CLSTN2: variants seen among roughly 807,000 people sequenced by gnomAD.
CLSTN2 encodes calsyntenin-2.
CLSTN2 carries 48 observed loss-of-function variants against 101.2 expected under a neutral mutation model. The observed-to-expected ratio is 0.47, with a 90% confidence interval of 0.38 to 0.60. The LOEUF (loss-of-function observed/expected upper bound fraction) is 0.60. Among genes scored for constraint, CLSTN2 ranks in the 20% least tolerant of loss-of-function variants. The pLI is 0.00. For synonymous variants in CLSTN2, 481 were observed against 463.6 expected (o/e 1.04, Z -0.48); for missense variants, 1,160 against 1,238.2 (o/e 0.94, Z 0.95).
At chr3:140,041,952 C>T (rs1392793808) in intron 1 of CLSTN2, among the ~76,000 whole-genome samples, 1 of 152,148 alleles carries the variant, frequency 6.6e-6, no homozygotes, top group Admixed American at 6.5e-5. Flanking sequence ...ACATGCCAGC[C>T]CTAGTCTTCG....
chr3:140,385,238 G>T (rs1213009506), intron 2 of CLSTN2, among the ~76,000 whole-genome samples: 1 of 151,862 alleles, frequency 6.6e-6, no homozygotes, highest in Non-Finnish European at 1.5e-5. Context: ...CTTACATAAG[G>T]TCTCACACCT....
Position 140,407,456 on chromosome 3 carries a change from C to T in CLSTN2, c.637+2690C>T, listed in dbSNP as rs112498394. ...CTACCAGAGGCCCTCAGACTCCCTC[C>T]CTTTGAATTCCTCCCCATGAAATTA... On this transcript the variant is annotated intron_variant, in intron 4 of 16. Transcript: ENST00000458420. Among the ~76,000 whole-genome samples, 1,448 of 152,224 alleles carry T rather than the reference C, an allele frequency of 9.5e-3. 21 individuals carry two copies. The highest frequency in any genetic ancestry group is 0.031 in the African/African-American group (1,293 of 41,524).
chr3:140,468,586 C>T (rs979443533), intron 8 of CLSTN2, among the ~76,000 whole-genome samples: 2 of 152,112 alleles, frequency 1.3e-5, no homozygotes, highest in Non-Finnish European at 2.9e-5. Context: ...GCAGGATGCA[C>T]GTGGGAAATT....
At chr3:140,494,250 T>C (rs1027660739) in intron 8 of CLSTN2, among the ~76,000 whole-genome samples, 13 of 152,146 alleles carry the variant, frequency 8.5e-5, no homozygotes, top group Non-Finnish European at 5.9e-5. Flanking sequence ...CATTCCCTCT[T>C]AGTCTGCATT....
intron 2 of CLSTN2, among the ~76,000 whole-genome samples, chr3:140,333,682 C>CTA (rs2087410580): frequency 6.8e-6 from 1 of 147,562 alleles, no homozygotes; most frequent in African/African-American, 2.5e-5. Flanking sequence ...AGAGTGGAGA[C>CTA]TGTGTGTGTG....
chr3:140,415,969 T>A (rs75766288), intron 4 of CLSTN2, among the ~76,000 whole-genome samples: 20,278 of 152,056 alleles, frequency 0.13, 1,413 homozygotes, highest in Admixed American at 0.16. Context: ...TGTTGACAGA[T>A]GAATGGATAA....
intron 1 of CLSTN2, among the ~76,000 whole-genome samples, chr3:140,102,177 T>C (rs766024719): frequency 1.3e-5 from 2 of 152,144 alleles, no homozygotes; most frequent in Non-Finnish European, 2.9e-5. Flanking sequence ...CAATCATTCG[T>C]GATAAGGAAG....
At chr3:140,287,014 C>CT (rs1222068301) in intron 2 of CLSTN2, among the ~76,000 whole-genome samples, 3 of 152,088 alleles carry the variant, frequency 2.0e-5, no homozygotes, top group Non-Finnish European at 4.4e-5. Context: ...TAATGAAGGG[C>CT]TTTAAGAGCC....
intron 2 of CLSTN2, among the ~76,000 whole-genome samples, chr3:140,215,114 A>G (rs1459132287): frequency 2.0e-5 from 3 of 152,180 alleles, no homozygotes; most frequent in South Asian, 2.1e-4. Context: ...ACTCTGATGT[A>G]TGACTGGTAG....
intron 2 of CLSTN2, among the ~76,000 whole-genome samples, chr3:140,325,892 C>T (rs529945781): frequency 6.6e-6 from 1 of 152,146 alleles, no homozygotes; most frequent in Non-Finnish European, 1.5e-5. Context: ...GTTCAGTGTA[C>T]TCTCGTGGCA....
intron 9 of CLSTN2, among the ~76,000 whole-genome samples, chr3:140,544,530 C>T (rs1347427357): frequency 6.6e-6 from 1 of 152,190 alleles, no homozygotes; most frequent in Non-Finnish European, 1.5e-5. Flanking sequence ...GGGGATGTGA[C>T]CCAGCACCAG....
chr3:140,058,557 T>C (rs994259655), intron 1 of CLSTN2, among the ~76,000 whole-genome samples: 19 of 152,114 alleles, frequency 1.2e-4, no homozygotes, highest in Non-Finnish European at 4.4e-5. Context: ...TGGGAAGAGC[T>C]CTCAATTGTT....
intron 2 of CLSTN2, among the ~76,000 whole-genome samples, chr3:140,343,782 G>A (rs1301282498): frequency 1.3e-5 from 2 of 152,212 alleles, no homozygotes; most frequent in Non-Finnish European, 2.9e-5. Context: ...TCTAGGCTGT[G>A]ACCATAGCAA....
chr3:140,074,390 C>T (rs148468980), intron 1 of CLSTN2, among the ~76,000 whole-genome samples: 60 of 152,136 alleles, frequency 3.9e-4, no homozygotes, highest in African/African-American at 1.3e-3. Flanking sequence ...GGCAGCATGT[C>T]GACAACCTGG....
intron 5 of CLSTN2, among the ~76,000 whole-genome samples, chr3:140,435,853 C>T (rs1005737446): frequency 6.6e-6 from 1 of 152,122 alleles, no homozygotes; most frequent in Admixed American, 6.5e-5. Context: ...TGCCTGTTTC[C>T]CATTTGTAGG....
chr3:140,384,715 G>C (rs1009402981), intron 2 of CLSTN2, among the ~76,000 whole-genome samples: 1 of 152,320 alleles, frequency 6.6e-6, no homozygotes, highest in East Asian at 1.9e-4. Context: ...AGAATTGACA[G>C]AACAGTAAAA....
chr3:140,130,685 G>A (rs139301946), intron 1 of CLSTN2, among the ~76,000 whole-genome samples: 10 of 152,272 alleles, frequency 6.6e-5, no homozygotes, highest in African/African-American at 2.4e-4. Flanking sequence ...GAAGCACAGG[G>A]GACTTGGAGG....
At chr3:140,558,608 C>T (rs1935846480) in intron 11 of CLSTN2, 32 bp from the exon 12 acceptor site, 3 of 1,572,122 alleles carry the variant, frequency 1.9e-6, no homozygotes, top group Non-Finnish European at 2.6e-6. Context: ...ATTGTTTGCT[C>T]ATCAGTGCCA....
chr3:140,096,086 G>A (rs1039023772), intron 1 of CLSTN2, among the ~76,000 whole-genome samples: 2 of 152,116 alleles, frequency 1.3e-5, no homozygotes, highest in Non-Finnish European at 2.9e-5. Flanking sequence ...AAGATTCTAA[G>A]GGAAAGTAAT....
Sources: allele counts gnomAD v4.1 joint callset (sites outside exome capture counted in the v4.1 genomes callset), GRCh38; gene constraint gnomAD v4.1.1; transcripts MANE v1.5; gene names NCBI Gene and HGNC (gene_info 2026-07-23, HGNC 2026-07-21).